The following ATF7IP2 variants were observed in gnomAD, a reference collection of about 807,000 sequenced individuals.
ATF7IP2 encodes activating transcription factor 7-interacting protein 2.
A neutral mutation model predicts 64.2 loss-of-function variants in ATF7IP2; 42 were observed. The observed-to-expected ratio is 0.65, with a 90% CI of 0.51 to 0.85. The LOEUF (loss-of-function observed/expected upper bound fraction) is 0.85. Ranked by LOEUF, ATF7IP2 falls within the 40% of genes least tolerant of loss-of-function variation. The probability of loss-of-function intolerance (pLI) is 0.00; values close to 1 mark genes in which losing one functional copy is unlikely to be tolerated. For missense variants in ATF7IP2, 933 were observed against 784.2 expected, an observed-to-expected ratio of 1.19 and a Z score of -2.27; for synonymous variants, 308 against 272.8, an observed-to-expected ratio of 1.13 and a Z score of -1.27.
intron 9 of ATF7IP2, among the ~76,000 whole-genome samples, chr16:10,471,392 G>C (rs1361128756): frequency 6.6e-6 from 1 of 152,124 alleles, no homozygotes; most frequent in East Asian, 1.9e-4. Flanking sequence ...GCCGGGCATG[G>C]TGGCATATGC....
intron 8 of ATF7IP2, chr16:10,445,847 A>G (rs1023102835): frequency 1.3e-5 from 2 of 152,210 alleles, no homozygotes; most frequent in Admixed American, 6.5e-5. Flanking sequence ...CTCTTTGTGA[A>G]CTAGGTCTTG....
intron 8 of ATF7IP2, chr16:10,449,450 T>A (rs2048915289): frequency 6.6e-6 from 1 of 152,206 alleles, no homozygotes; most frequent in Non-Finnish European, 1.5e-5. Context: ...GACTTTTGGT[T>A]GGTAGACTAT....
intron 7 of ATF7IP2, 110 bp from the exon 8 acceptor site, chr16:10,440,254 G>C (rs1021802895): frequency 1.0e-5 from 5 of 499,656 alleles, no homozygotes; most frequent in Non-Finnish European, 1.4e-5. Context: ...TTTTCATTTG[G>C]GTAGATGTCT....
intron 1 of ATF7IP2, among the ~76,000 whole-genome samples, chr16:10,389,645 T>G (rs1409762709): frequency 6.6e-6 from 1 of 152,220 alleles, no homozygotes; most frequent in African/African-American, 2.4e-5. Flanking sequence ...GAAAATATTT[T>G]AAAATACTGA....
At chr16:10,401,359 AG>A (rs1379907561) in intron 1 of ATF7IP2, among the ~76,000 whole-genome samples, 1 of 151,886 alleles carries the variant, frequency 6.6e-6, no homozygotes, top group Non-Finnish European at 1.5e-5. Flanking sequence ...TAGTAAAGAC[AG>A]GGTTTCACCA....
intron 1 of ATF7IP2, among the ~76,000 whole-genome samples, chr16:10,397,941 A>G (rs1342628484): frequency 2.0e-5 from 3 of 152,080 alleles, no homozygotes; most frequent in Admixed American, 6.6e-5. Context: ...CATCACTAAT[A>G]TTCATGGAAA....
intron 12 of ATF7IP2, among the ~76,000 whole-genome samples, chr16:10,475,593 T>C (rs573892863): frequency 2.0e-5 from 3 of 150,624 alleles, no homozygotes; most frequent in African/African-American, 7.3e-5. Context: ...CTCGGGAGGC[T>C]GAGGCAGGAG....
At chr16:10,440,974 T>G (rs1171279439) in intron 8 of ATF7IP2, among the ~76,000 whole-genome samples, 1 of 152,162 alleles carries the variant, frequency 6.6e-6, no homozygotes, top group Non-Finnish European at 1.5e-5. Context: ...ATTGTTCAAC[T>G]CCCACTTATG....
intron 1 of ATF7IP2, among the ~76,000 whole-genome samples, chr16:10,407,257 CAGTT>C (rs1229901406): frequency 6.6e-6 from 1 of 152,156 alleles, no homozygotes; most frequent in African/African-American, 2.4e-5. Flanking sequence ...TGACAGACCA[CAGTT>C]AGTATCATCC....
intron 1 of ATF7IP2, among the ~76,000 whole-genome samples, chr16:10,400,923 A>T (rs1315776288): frequency 2.0e-5 from 3 of 151,890 alleles, no homozygotes; most frequent in Non-Finnish European, 4.4e-5. Context: ...ACCTCAGGTG[A>T]TCCACCCGCC....
intron 9 of ATF7IP2, among the ~76,000 whole-genome samples, chr16:10,463,249 A>G (rs527299290): frequency 6.6e-6 from 1 of 152,344 alleles, no homozygotes; most frequent in Admixed American, 6.5e-5. Context: ...CCACCAGACT[A>G]GATTCACTCT....
rs1182190475 is a variant in ATF7IP2, at chr16:10,470,610, ATTTTTAAAAAAATT to A, written c.1353-1489_1353-1476del. ...ACCAGCCTGGCCAACATAAAAAAAC[ATTTTTAAAAAAATT>A]TTTTTAAAAAGTTAGCCAGGCCTGG... On this transcript the variant is annotated intron_variant, in intron 9 of 13. Coordinates refer to ENST00000562102, the MANE Select transcript of ATF7IP2 (RefSeq NM_001393719.1). Among the ~76,000 whole-genome samples the A allele has an allele frequency of 4.6e-5, 7 of 151,744 alleles. No homozygotes were observed. The South Asian group carries it at 1.0e-3, about 23-fold the overall frequency.
intron 6 of ATF7IP2, 117 bp downstream of exon 6, chr16:10,433,766 G>GGTGT (rs1179203274): frequency 8.4e-7 from 1 of 1,197,134 alleles, no homozygotes; most frequent in Non-Finnish European, 1.2e-6. Context: ...CTGCAGAGCT[G>GGTGT]GTGTGTGAAA....
chr16:10,468,284 A>T (rs531210407), intron 9 of ATF7IP2, among the ~76,000 whole-genome samples: 64 of 152,360 alleles, frequency 4.2e-4, no homozygotes, highest in Middle Eastern at 3.4e-3. Context: ...TATTTAAAAA[A>T]TTGTTGAATT....
intron 12 of ATF7IP2, among the ~76,000 whole-genome samples, chr16:10,479,760 G>T (rs962364076): frequency 6.6e-6 from 1 of 151,886 alleles, no homozygotes; most frequent in Non-Finnish European, 1.5e-5. Context: ...CTGATCATCA[G>T]AGGAATGCAA....
At position 10,473,354 on chromosome 16, in the gene ATF7IP2, G is replaced by A. The variant is rs1027751091; in HGVS notation, c.1427-125G>A. On this transcript the variant is annotated intron_variant, in intron 10 of 13. Coordinates refer to ENST00000562102, the MANE Select transcript of ATF7IP2 (RefSeq NM_001393719.1). ...CTTTGGAATAGGTAAAGTCAATTGA[G>A]TTACTTTTTATCACTGTATAATTAA... 20 of 611,162 alleles carry A rather than the reference G, an allele frequency of 3.3e-5. No homozygotes were observed. The Admixed American group carries it at 5.8e-4, about 18-fold the overall frequency. The allele number at this position is 611,162 out of a possible 1,614,324, so 37.9% of individuals were successfully genotyped here. A position where few individuals can be genotyped will look rare whatever the true frequency, so the allele number is the denominator to read the frequency against.
intron 10 of ATF7IP2, among the ~76,000 whole-genome samples, chr16:10,472,762 A>T (rs1364361871): frequency 6.6e-6 from 1 of 151,610 alleles, no homozygotes; most frequent in East Asian, 1.9e-4. Context: ...AGGGTGAGGC[A>T]GGAGAATTGC....
chr16:10,447,433 C>G (rs1022116822), intron 8 of ATF7IP2: 1 of 152,114 alleles, frequency 6.6e-6, no homozygotes, highest in African/African-American at 2.4e-5. Flanking sequence ...GGCAGGGCCC[C>G]CAAATTGTTA....
intron 3 of ATF7IP2, among the ~76,000 whole-genome samples, chr16:10,426,036 T>C (rs894887154): frequency 6.6e-6 from 1 of 152,234 alleles, no homozygotes; most frequent in Non-Finnish European, 1.5e-5. Context: ...CAAGCAATTA[T>C]GCATCTGAGG....
Sources: gnomAD v4.1 joint callset for allele counts (sites outside exome capture counted in the v4.1 genomes callset) on GRCh38, gnomAD v4.1.1 for gene constraint, MANE v1.5 for transcripts, NCBI Gene and HGNC (gene_info 2026-07-23, HGNC 2026-07-21) for gene names.